The following ADGRL3 variants were observed in gnomAD, a reference collection of about 807,000 sequenced individuals.
ADGRL3 encodes the protein adhesion G protein-coupled receptor L3.
ADGRL3 carries 62 observed loss-of-function variants against 153.5 expected under a neutral mutation model. The ratio of observed to expected loss-of-function variants is 0.40; its 90% confidence interval spans 0.33 to 0.50. The LOEUF (loss-of-function observed/expected upper bound fraction) is 0.50, where lower values mean the gene tolerates loss of function less well. Ranked by LOEUF, ADGRL3 falls within the 20% of genes least tolerant of loss-of-function variation. The pLI is 0.47. For synonymous variants in ADGRL3, 710 were observed against 672.5 expected, an observed-to-expected ratio of 1.06 and a Z score of -0.86; for missense variants, 1,641 against 1,859.4, an observed-to-expected ratio of 0.88 and a Z score of 2.16.
chr4:61,494,637 C>T (rs548969675), intron 2 of ADGRL3, among the ~76,000 whole-genome samples: 43 of 152,212 alleles, frequency 2.8e-4, no homozygotes, highest in African/African-American at 8.4e-4. Flanking sequence ...GAAAATGTTG[C>T]CATGATTCCT....
intron 1 of ADGRL3, among the ~76,000 whole-genome samples, chr4:61,219,040 G>T (rs1744188189): frequency 6.6e-6 from 1 of 152,182 alleles, no homozygotes; most frequent in Non-Finnish European, 1.5e-5. Context: ...AGTTACATGA[G>T]AGTCTAAGCC....
intron 2 of ADGRL3, among the ~76,000 whole-genome samples, chr4:61,477,458 G>C (rs1249553167): frequency 2.0e-5 from 3 of 152,084 alleles, no homozygotes; most frequent in African/African-American, 7.2e-5. Context: ...AACATACCAT[G>C]AATAAATTAT....
rs187542330 is a variant in ADGRL3, at chr4:61,204,531, C to A, written c.-240+2766C>A. ...TGTTCCCTAGCAGTCATACATTCCA[C>A]AGGTCCTGATGTCATTAGAACTGTG... On this transcript the variant is annotated intron_variant, in intron 1 of 26. Coordinates refer to ENST00000683033, the MANE Select transcript of ADGRL3 (RefSeq NM_001387552.1). 3.3e-5 allele frequency among the ~76,000 whole-genome samples: 5 copies of A among 152,282 alleles called. No individual in the cohort carries two copies. In the East Asian group the frequency reaches 9.7e-4, roughly 29 times the overall value.
intron 6 of ADGRL3, among the ~76,000 whole-genome samples, chr4:61,697,624 C>A (rs1216297193): frequency 6.6e-6 from 1 of 151,120 alleles, no homozygotes; most frequent in Non-Finnish European, 1.5e-5. Context: ...GTGAAGTATA[C>A]TAATAAATAG....
chr4:61,756,261 T>C (rs1369124948), intron 8 of ADGRL3, among the ~76,000 whole-genome samples: 2 of 152,202 alleles, frequency 1.3e-5, no homozygotes, highest in East Asian at 1.9e-4. Flanking sequence ...GCATGGAATG[T>C]TCTTCCATTT....
chr4:61,733,339 A>G lies in ADGRL3; in HGVS notation c.1184A>G (p.Tyr395Cys). ...CGILYVVKSV[Y>C]EDDDNEATGN... ...ATTCTGTATGTGGTCAAATCTGTAT[A>G]TGAGGATGATGACAATGAGGCTACT... Residue 395 changes from tyrosine to cysteine, a missense_variant, in exon 8 of 27, where the codon TAT becomes TGT. Physicochemically the swap from Tyr to Cys is radical, Grantham distance 194. Coordinates refer to ENST00000683033, the MANE Select transcript of ADGRL3 (RefSeq NM_001387552.1). The G allele has an allele frequency of 6.2e-7, 1 of 1,613,666 alleles. No homozygotes were observed. The highest frequency in any genetic ancestry group is 8.5e-7 in the Non-Finnish European group (1 of 1,179,756).
intron 8 of ADGRL3, among the ~76,000 whole-genome samples, chr4:61,745,794 G>A (rs2096650297): frequency 1.3e-5 from 2 of 152,108 alleles, no homozygotes; most frequent in African/African-American, 4.8e-5. Flanking sequence ...GGAATAAACT[G>A]CATCAACTCA....
intron 9 of ADGRL3, among the ~76,000 whole-genome samples, chr4:61,878,839 C>T (rs558906434): frequency 7.4e-4 from 112 of 152,250 alleles, no homozygotes; most frequent in Non-Finnish European, 1.4e-3. Flanking sequence ...GTGTGAAGAT[C>T]AGTCTATGCT....
At chr4:61,902,941 C>T (rs1266130213) in intron 11 of ADGRL3, among the ~76,000 whole-genome samples, 1 of 152,060 alleles carries the variant, frequency 6.6e-6, no homozygotes, top group Non-Finnish European at 1.5e-5. Flanking sequence ...ATATTTTATT[C>T]AACACTGACC....
intron 1 of ADGRL3, among the ~76,000 whole-genome samples, chr4:61,360,917 A>G (rs1366340474): frequency 6.6e-6 from 1 of 152,194 alleles, no homozygotes; most frequent in Non-Finnish European, 1.5e-5. Context: ...TGTCTCACTT[A>G]GTCTTCAAAA....
At chr4:62,015,910 TTATAA>T (rs1286471461) in intron 21 of ADGRL3, among the ~76,000 whole-genome samples, 1 of 151,772 alleles carries the variant, frequency 6.6e-6, no homozygotes, top group Non-Finnish European at 1.5e-5. Flanking sequence ...AGTATATAAT[TTATAA>T]TATATAAACT....
At chr4:61,604,084 C>T (rs1367751745) in intron 5 of ADGRL3, among the ~76,000 whole-genome samples, 1 of 152,118 alleles carries the variant, frequency 6.6e-6, no homozygotes, top group Non-Finnish European at 1.5e-5. Flanking sequence ...TTTTCCCTGT[C>T]TTATCATCAG....
At chr4:61,808,539 A>G (rs943874919) in intron 8 of ADGRL3, among the ~76,000 whole-genome samples, 2 of 152,216 alleles carry the variant, frequency 1.3e-5, no homozygotes, top group Admixed American at 1.3e-4. Context: ...TAGGTATCAA[A>G]TTGACTTTAC....
intron 6 of ADGRL3, among the ~76,000 whole-genome samples, chr4:61,695,290 C>G (rs188858378): frequency 1.3e-5 from 2 of 152,158 alleles, no homozygotes; most frequent in African/African-American, 2.4e-5. Context: ...ATTGAAATTA[C>G]GCTTTGGTCC....
chr4:61,738,618 T>C (rs2096546635), intron 8 of ADGRL3, among the ~76,000 whole-genome samples: 1 of 152,176 alleles, frequency 6.6e-6, no homozygotes. Context: ...ATTCTAAAAG[T>C]GGTTTCAGGA....
intron 21 of ADGRL3, among the ~76,000 whole-genome samples, chr4:62,027,179 C>T (rs1719161255): frequency 6.6e-6 from 1 of 151,978 alleles, no homozygotes; most frequent in African/African-American, 2.4e-5. Flanking sequence ...AATATAAGTA[C>T]AGGATTTTTC....
chr4:61,387,840 A>G (rs926098315), intron 2 of ADGRL3, among the ~76,000 whole-genome samples: 5 of 152,178 alleles, frequency 3.3e-5, no homozygotes, highest in Non-Finnish European at 5.9e-5. Flanking sequence ...TAAAGTAAAG[A>G]CAGGCATAGG....
intron 5 of ADGRL3, among the ~76,000 whole-genome samples, chr4:61,676,432 A>G (rs1029559730): frequency 2.0e-5 from 3 of 152,030 alleles, no homozygotes; most frequent in Non-Finnish European, 2.9e-5. Flanking sequence ...ACAACTGCCT[A>G]ATAAACTCTG....
chr4:61,229,094 G>A (rs1031361658), intron 1 of ADGRL3, among the ~76,000 whole-genome samples: 2 of 152,160 alleles, frequency 1.3e-5, no homozygotes, highest in African/African-American at 4.8e-5. Context: ...TAGAGAAAAA[G>A]CAAGGGCCTT....
Sources: allele counts gnomAD v4.1 joint callset (sites outside exome capture counted in the v4.1 genomes callset), GRCh38; gene constraint gnomAD v4.1.1; transcripts MANE v1.5; gene names NCBI Gene and HGNC (gene_info 2026-07-23, HGNC 2026-07-21).